The following ADIPOR2 variants were observed in gnomAD, a reference collection of about 807,000 sequenced individuals.
The protein encoded by ADIPOR2 is adiponectin receptor protein 2.
A neutral mutation model predicts 40.9 loss-of-function variants in ADIPOR2; 18 were observed. That is an observed-to-expected ratio of 0.44 (90% CI 0.30 to 0.65). The LOEUF is 0.65. ADIPOR2 is among the 30% of genes least tolerant of loss of function. The probability of loss-of-function intolerance (pLI) is 0.09; values close to 1 mark genes in which losing one functional copy is unlikely to be tolerated. For missense variants in ADIPOR2, 283 were observed against 479.2 expected (o/e 0.59, Z 3.82); for synonymous variants, 165 against 166.4 (o/e 0.99, Z 0.06).
chr12:1,722,720 A>G (rs909127910), intron 1 of ADIPOR2, among the ~76,000 whole-genome samples: 2 of 152,182 alleles, frequency 1.3e-5, no homozygotes, highest in African/African-American at 4.8e-5. Flanking sequence ...TACAGTTATT[A>G]TTTGAGTGCA....
At chr12:1,754,593 G>T in intron 2 of ADIPOR2, 79 bp downstream of exon 2, 1 of 1,398,692 alleles carries the variant, frequency 7.1e-7, no homozygotes, top group Non-Finnish European at 9.5e-7. Context: ...GGAAAAAAAA[G>T]TGGGGGTCCA....
intron 2 of ADIPOR2, among the ~76,000 whole-genome samples, chr12:1,759,311 T>C (rs564991295): frequency 2.6e-5 from 4 of 152,364 alleles, no homozygotes; most frequent in South Asian, 4.1e-4. Context: ...TTTTCCCTCT[T>C]TTAGAAGATG....
At chr12:1,729,617 G>GTTTTTTTTTTTTTTTTT (rs56921758) in intron 1 of ADIPOR2, among the ~76,000 whole-genome samples, 6 of 88,990 alleles carry the variant, frequency 6.7e-5, no homozygotes, top group African/African-American at 9.8e-5. Flanking sequence ...TCAGCCAGTT[G>GTTTTTTTTTTTTTTTTT]TTTTTTTTTT....
intron 2 of ADIPOR2, among the ~76,000 whole-genome samples, chr12:1,768,424 T>G (rs1318317700): frequency 2.0e-5 from 3 of 152,226 alleles, no homozygotes; most frequent in African/African-American, 4.8e-5. Context: ...CTCATCATGT[T>G]TATCTTTGAA....
At chr12:1,717,395 C>G (rs544440425) in intron 1 of ADIPOR2, among the ~76,000 whole-genome samples, 1 of 152,032 alleles carries the variant, frequency 6.6e-6, no homozygotes, top group African/African-American at 2.4e-5. Context: ...TAGAACATAA[C>G]GTTTATGTTT....
intron 4 of ADIPOR2, among the ~76,000 whole-genome samples, chr12:1,779,230 G>A (rs1292293241): frequency 6.6e-6 from 1 of 152,186 alleles, no homozygotes; most frequent in Admixed American, 6.5e-5. Flanking sequence ...GAAGTTTGCA[G>A]CAACATTATT....
intron 1 of ADIPOR2, among the ~76,000 whole-genome samples, chr12:1,748,258 CT>C (rs968468475): frequency 4.0e-5 from 6 of 151,644 alleles, no homozygotes; most frequent in Middle Eastern, 3.4e-3. Context: ...TTTATTTATT[CT>C]TTTTTTAGAG....
At chr12:1,722,762 C>T (rs546448612) in intron 1 of ADIPOR2, among the ~76,000 whole-genome samples, 18 of 152,334 alleles carry the variant, frequency 1.2e-4, no homozygotes, top group Non-Finnish European at 2.4e-4. Flanking sequence ...ATGTACCCTA[C>T]GCAGTCCTCT....
chr12:1,710,636 T>G (rs907829716), intron 1 of ADIPOR2, among the ~76,000 whole-genome samples: 2 of 151,990 alleles, frequency 1.3e-5, no homozygotes, highest in Non-Finnish European at 2.9e-5. Flanking sequence ...GAGCGTTGGT[T>G]TGCCTGGAAC....
intron 1 of ADIPOR2, among the ~76,000 whole-genome samples, chr12:1,715,271 G>A (rs2094685295): frequency 1.3e-5 from 2 of 152,070 alleles, no homozygotes. Flanking sequence ...AAAAGGTCAA[G>A]CTGCAGGATA....
chr12:1,697,079 A>C (rs1050707145), intron 1 of ADIPOR2: 2 of 152,224 alleles, frequency 1.3e-5, no homozygotes, highest in African/African-American at 4.8e-5. Flanking sequence ...AAAGGCATAG[A>C]AGTTAGAGGG....
chr12:1,707,015 G>A (rs376515844), intron 1 of ADIPOR2, among the ~76,000 whole-genome samples: 8 of 152,116 alleles, frequency 5.3e-5, no homozygotes, highest in African/African-American at 1.7e-4. Flanking sequence ...GTGTGTAAAT[G>A]GAATCATACT....
rs1441107963 is a variant in ADIPOR2 at position 1,786,367 on chromosome 12, T to C, written c.*295T>C. On this transcript the variant is annotated 3_prime_UTR_variant, in exon 8 of 8. Transcript: ENST00000357103. ...TCTGCAAGACCCTTGGCAAACTGGCTTCTGATCCATATCATATTTATTTGT... is the reference window on the plus strand; with the variant it reads ...TCTGCAAGACCCTTGGCAAACTGGCCTCTGATCCATATCATATTTATTTGT... 15 of 316,364 alleles carry C rather than the reference T, an allele frequency of 4.7e-5. No homozygotes were observed. The highest frequency in any genetic ancestry group is 8.7e-5 in the Non-Finnish European group (15 of 171,610). 19.6% of individuals were successfully genotyped at this position (316,364 alleles called of 1,614,324 possible).
At chr12:1,730,183 G>A (rs2094716872) in intron 1 of ADIPOR2, among the ~76,000 whole-genome samples, 1 of 151,054 alleles carries the variant, frequency 6.6e-6, no homozygotes, top group Non-Finnish European at 1.5e-5. Flanking sequence ...ATACCCCTTA[G>A]GACCTCACAT....
At chr12:1,716,542 C>T (rs1246781788) in intron 1 of ADIPOR2, among the ~76,000 whole-genome samples, 3 of 152,120 alleles carry the variant, frequency 2.0e-5, no homozygotes, top group Admixed American at 6.5e-5. Context: ...AATGCATTTA[C>T]AACTATATTA....
chr12:1,785,124 G>C (rs1288786641), intron 7 of ADIPOR2, among the ~76,000 whole-genome samples: 1 of 152,112 alleles, frequency 6.6e-6, no homozygotes, highest in Non-Finnish European at 1.5e-5. Context: ...TCTAGTTTTT[G>C]CTTCTAAAAT....
At chr12:1,744,818 A>G (rs35142727) in intron 1 of ADIPOR2, among the ~76,000 whole-genome samples, 3 of 152,264 alleles carry the variant, frequency 2.0e-5, no homozygotes, top group Non-Finnish European at 2.9e-5. Flanking sequence ...AGATAAAAAT[A>G]CAAAATATAA....
At chr12:1,753,673 A>G (rs890882311) in intron 1 of ADIPOR2, among the ~76,000 whole-genome samples, 49 of 152,224 alleles carry the variant, frequency 3.2e-4, no homozygotes, top group African/African-American at 1.2e-3. Flanking sequence ...TTTATAAAGT[A>G]TGGTGAATTT....
intron 1 of ADIPOR2, among the ~76,000 whole-genome samples, chr12:1,723,742 C>T (rs188595462): frequency 1.3e-5 from 2 of 152,156 alleles, no homozygotes; most frequent in African/African-American, 2.4e-5. Context: ...CTATATCATT[C>T]CAAAAGCCGT....
Sources: allele counts gnomAD v4.1 joint callset (sites outside exome capture counted in the v4.1 genomes callset), GRCh38; gene constraint gnomAD v4.1.1; transcripts MANE v1.5; gene names NCBI Gene and HGNC (gene_info 2026-07-23, HGNC 2026-07-21).